Variants in ZCWPW2 observed in about 807,000 individuals in gnomAD.
ZCWPW2 encodes the protein zinc finger CW-type PWWP domain protein 2.
In ZCWPW2, 45 loss-of-function variants were observed where a neutral mutation model predicts 46.6. The observed-to-expected ratio is 0.96, with a 90% confidence interval of 0.76 to 1.24. The LOEUF (loss-of-function observed/expected upper bound fraction) is 1.24, where lower values mean the gene tolerates loss of function less well. Among genes scored for constraint, ZCWPW2 ranks in the 50% most tolerant of loss-of-function variants. The pLI is 0.00. For missense variants in ZCWPW2, 429 were observed against 403.9 expected, an observed-to-expected ratio of 1.06 and a Z score of -0.53; for synonymous variants, 152 against 137.1, an observed-to-expected ratio of 1.11 and a Z score of -0.76.
intron 4 of ZCWPW2, among the ~76,000 whole-genome samples, chr3:28,468,033 A>T (rs2125794014): frequency 6.6e-6 from 1 of 152,282 alleles, no homozygotes; most frequent in East Asian, 1.9e-4. Context: ...CAGAATTCAA[A>T]ATAGCTGTTT....
At chr3:28,494,432 C>G (rs1469526644) in intron 6 of ZCWPW2, among the ~76,000 whole-genome samples, 64 of 142,686 alleles carry the variant, frequency 4.5e-4, no homozygotes, top group Non-Finnish European at 7.2e-4. Flanking sequence ...GCTTGTTTTT[C>G]TCAGGTTTGT....
intron 4 of ZCWPW2, among the ~76,000 whole-genome samples, chr3:28,474,662 T>G (rs1212365520): frequency 3.9e-5 from 6 of 151,972 alleles, no homozygotes; most frequent in Non-Finnish European, 1.5e-5. Context: ...TGTATGTGTA[T>G]ATGTAATTCC....
intron 4 of ZCWPW2, among the ~76,000 whole-genome samples, chr3:28,458,501 A>G (rs1397493659): frequency 6.6e-6 from 1 of 152,186 alleles, no homozygotes; most frequent in Non-Finnish European, 1.5e-5. Context: ...ATAATCTCAC[A>G]TAGTCTTCAT....
chr3:28,397,122 C>G (rs2125723810), intron 2 of ZCWPW2, among the ~76,000 whole-genome samples: 1 of 142,154 alleles, frequency 7.0e-6, no homozygotes, highest in African/African-American at 2.6e-5. Context: ...AAACCATACT[C>G]TGTCTCAAAA....
At chr3:28,475,476 T>C (rs1699205447) in intron 4 of ZCWPW2, among the ~76,000 whole-genome samples, 1 of 152,206 alleles carries the variant, frequency 6.6e-6, no homozygotes, top group South Asian at 2.1e-4. Context: ...GAATGATTTC[T>C]TTAAAAACAG....
intron 2 of ZCWPW2, among the ~76,000 whole-genome samples, chr3:28,391,959 T>C (rs1695511632): frequency 6.6e-6 from 1 of 152,188 alleles, no homozygotes. Flanking sequence ...AAGTCCTTAC[T>C]TACTGTTTGC....
intron 1 of ZCWPW2, among the ~76,000 whole-genome samples, chr3:28,373,213 T>G (rs1168677371): frequency 1.3e-5 from 2 of 152,170 alleles, no homozygotes; most frequent in Admixed American, 1.3e-4. Context: ...AGTCTTTAGT[T>G]TTTTGGAGGG....
At chr3:28,510,666 G>A (rs1349182984) in intron 6 of ZCWPW2, among the ~76,000 whole-genome samples, 1 of 152,044 alleles carries the variant, frequency 6.6e-6, no homozygotes, top group African/African-American at 2.4e-5. Context: ...AAGTCATGTA[G>A]GGCAGAGCTA....
chr3:28,391,460 TAA>T (rs1695487868), intron 2 of ZCWPW2, among the ~76,000 whole-genome samples: 1 of 151,714 alleles, frequency 6.6e-6, no homozygotes, highest in Non-Finnish European at 1.5e-5. Flanking sequence ...GGAGTCCAAT[TAA>T]CAACATCCAG....
chr3:28,459,615 G>T (rs1399598950), intron 4 of ZCWPW2, among the ~76,000 whole-genome samples: 2 of 152,148 alleles, frequency 1.3e-5, no homozygotes, highest in East Asian at 3.9e-4. Context: ...ATCTTGGGCA[G>T]GATTGTGACA....
At chr3:28,406,750 G>A (rs1461585878) in intron 2 of ZCWPW2, among the ~76,000 whole-genome samples, 2 of 151,192 alleles carry the variant, frequency 1.3e-5, no homozygotes, top group Non-Finnish European at 2.9e-5. Context: ...CTTAAAAAGT[G>A]TTCTAACAGC....
intron 4 of ZCWPW2, among the ~76,000 whole-genome samples, chr3:28,439,698 C>A (rs1232676250): frequency 6.6e-6 from 1 of 152,106 alleles, no homozygotes; most frequent in African/African-American, 2.4e-5. Flanking sequence ...CAGTGCCCAA[C>A]CCAAATACTC....
At position 28,478,810 on chromosome 3, in the gene ZCWPW2, A is replaced by G. The variant is rs374367569; in HGVS notation, c.493-4A>G. Reference sequence around the variant, plus strand: ...ATTTTTTTCTTTTTTCTGTATTTATATAGCCAGAAAAGTGTAAGAATAAAA... The same window carrying G: ...ATTTTTTTCTTTTTTCTGTATTTATGTAGCCAGAAAAGTGTAAGAATAAAA... On this transcript the variant is annotated splice_polypyrimidine_tract_variant and splice_region_variant and intron_variant, in intron 4 of 9. Transcript: ENST00000383768. The G allele has an allele frequency of 7.4e-6, 11 of 1,484,022 alleles. No homozygotes were observed. Among genetic ancestry groups the G allele is most frequent in the South Asian group, 2.9e-5 (2 of 69,416 alleles). 91.9% of individuals were successfully genotyped at this position (1,484,022 alleles called of 1,614,324 possible). A position where few individuals can be genotyped will look rare whatever the true frequency, so the allele number is the denominator to read the frequency against.
At chr3:28,460,558 A>T (rs1035741254) in intron 4 of ZCWPW2, among the ~76,000 whole-genome samples, 10 of 152,178 alleles carry the variant, frequency 6.6e-5, no homozygotes, top group African/African-American at 2.4e-4. Flanking sequence ...AAAGCCAAGG[A>T]GGCTAACTAA....
intron 3 of ZCWPW2, among the ~76,000 whole-genome samples, chr3:28,417,412 T>A (rs1696638853): frequency 6.6e-6 from 1 of 152,124 alleles, no homozygotes; most frequent in Non-Finnish European, 1.5e-5. Flanking sequence ...CCAGATGGAT[T>A]CACAGCAGAA....
intron 4 of ZCWPW2, among the ~76,000 whole-genome samples, chr3:28,467,442 T>A (rs925469772): frequency 6.7e-6 from 1 of 149,978 alleles, no homozygotes; most frequent in Non-Finnish European, 1.5e-5. Flanking sequence ...TATAAATGGC[T>A]TTTAAAAAAC....
intron 1 of ZCWPW2, among the ~76,000 whole-genome samples, chr3:28,352,396 C>T (rs984154333): frequency 6.6e-6 from 1 of 152,136 alleles, no homozygotes; most frequent in African/African-American, 2.4e-5. Flanking sequence ...TAAGATTGAT[C>T]TTCCTCAGAG....
chr3:28,359,146 G>A (rs1298156281), intron 1 of ZCWPW2, among the ~76,000 whole-genome samples: 1 of 152,020 alleles, frequency 6.6e-6, no homozygotes, highest in Non-Finnish European at 1.5e-5. Context: ...TCTTAATACT[G>A]TATTGGATGA....
chr3:28,416,947 T>C (rs1023268328), intron 3 of ZCWPW2, among the ~76,000 whole-genome samples: 2 of 148,616 alleles, frequency 1.3e-5, no homozygotes, highest in Non-Finnish European at 3.0e-5. Context: ...TCTGCATCGA[T>C]GTTCATCAAG....
Sources: gnomAD v4.1 joint callset for allele counts (sites outside exome capture counted in the v4.1 genomes callset) on GRCh38, gnomAD v4.1.1 for gene constraint, MANE v1.5 for transcripts, NCBI Gene and HGNC (gene_info 2026-07-23, HGNC 2026-07-21) for gene names.